The following NRDC variants were observed in gnomAD, a reference collection of about 807,000 sequenced individuals.
NRDC encodes nardilysin.
Under a neutral mutation model 147.1 loss-of-function variants are expected in NRDC, and 54 were observed. That is an observed-to-expected ratio of 0.37 (90% CI 0.29 to 0.46). The LOEUF is 0.46. NRDC is among the 20% of genes least tolerant of loss of function. NRDC has a pLI of 1.00. For missense variants in NRDC, 1,082 were observed against 1,370.6 expected, an observed-to-expected ratio of 0.79 and a Z score of 3.33; for synonymous variants, 440 against 482.1, an observed-to-expected ratio of 0.91 and a Z score of 1.14.
intron 16 of NRDC, among the ~76,000 whole-genome samples, chr1:51,809,722 C>A (rs970730699): frequency 1.3e-5 from 2 of 151,982 alleles, no homozygotes; most frequent in African/African-American, 4.8e-5. Context: ...CATGGTGAAA[C>A]CCCAGACAGA....
intron 28 of NRDC, 28 bp downstream of exon 28, chr1:51,790,872 G>GGCCAAAA (rs767984104): frequency 6.3e-7 from 1 of 1,584,438 alleles, no homozygotes; most frequent in East Asian, 2.2e-5. Context: ...GTGGGCCAAA[G>GGCCAAAA]GCCAAAAGAC....
chr1:51,821,047 T>C (rs533975824), intron 8 of NRDC, among the ~76,000 whole-genome samples: 7 of 152,234 alleles, frequency 4.6e-5, no homozygotes, highest in Admixed American at 3.9e-4. Context: ...TCAGGCAGTA[T>C]GGAAAGTCAG....
At chr1:51,816,249 A>G in intron 11 of NRDC, 63 bp downstream of exon 11, 1 of 1,052,910 alleles carries the variant, frequency 9.5e-7, no homozygotes, top group South Asian at 1.6e-5. Context: ...ATTATATAAT[A>G]CTTATTGTCT....
chr1:51,844,089 CCTAA>C (rs1444347509), intron 1 of NRDC, among the ~76,000 whole-genome samples: 3 of 152,112 alleles, frequency 2.0e-5, no homozygotes, highest in Non-Finnish European at 4.4e-5. Flanking sequence ...CTAATCTCCT[CCTAA>C]CTCTCTGTTT....
chr1:51,796,079 C>T (rs1412848191), intron 22 of NRDC, among the ~76,000 whole-genome samples: 1 of 152,120 alleles, frequency 6.6e-6, no homozygotes, highest in African/African-American at 2.4e-5. Flanking sequence ...TGGTGTCTCA[C>T]TATGTTGCCC....
chr1:51,873,888 G>T lies in NRDC; in HGVS notation c.341+4387C>A, dbSNP rs116044172. On this transcript the variant is annotated intron_variant, in intron 1 of 30. Coordinates refer to ENST00000352171, the MANE Select transcript of NRDC (RefSeq NM_001101662.2). The stretch of plus-strand genomic sequence containing the variant: ...TTAAATTAGAAGGACTTGCCCTTCA[G>T]AAGTTTATATGCCTTTTCGACAGGG... Among the ~76,000 whole-genome samples the T allele has an allele frequency of 7.7e-3, 1,173 of 151,874 alleles. 15 individuals are homozygous for T. Among genetic ancestry groups the T allele is most frequent in the African/African-American group, 0.027 (1,130 of 41,434 alleles).
In NRDC at chr1:51,810,370, T is replaced by G. The variant is rs762722640; in HGVS notation, c.1814A>C (p.Gln605Pro). 2 of 1,612,690 alleles carry G rather than the reference T, an allele frequency of 1.2e-6. No homozygotes were observed. The highest frequency in any genetic ancestry group is 1.7e-6 in the Non-Finnish European group (2 of 1,179,198). ...AGACAGTAAAACAAGATTTGCTTTTTGAGGAACTAGCTGATTCAAGGCTTC... is the reference window on the plus strand; with the variant it reads ...AGACAGTAAAACAAGATTTGCTTTTGGAGGAACTAGCTGATTCAAGGCTTC... Reference protein sequence around the residue: ...IGEALNQLVPQKANLVLLSGA... With the variant: ...IGEALNQLVPPKANLVLLSGA... The change falls in exon 16 of 31, where the codon CAA (glutamine) becomes CCA (proline). Residue 605 changes from glutamine to proline, a missense_variant. Gln to Pro is a moderately conservative substitution (Grantham distance 76, BLOSUM62 -1). Transcript: ENST00000352171.
chr1:51,847,471 G>A (rs796205296), intron 1 of NRDC, among the ~76,000 whole-genome samples: 15 of 152,354 alleles, frequency 9.8e-5, no homozygotes, highest in African/African-American at 3.1e-4. Context: ...AGGAGACCAC[G>A]GCGGGGTGGG....
At chr1:51,809,993 T>C (rs574115627) in intron 16 of NRDC, among the ~76,000 whole-genome samples, 31 of 151,870 alleles carry the variant, frequency 2.0e-4, no homozygotes, top group Admixed American at 1.2e-3. Context: ...TTTAGTAAGA[T>C]CTCCAAGTGA....
chr1:51,845,203 G>C (rs761443295), intron 1 of NRDC, among the ~76,000 whole-genome samples: 1 of 152,128 alleles, frequency 6.6e-6, no homozygotes, highest in South Asian at 2.1e-4. Context: ...TCTCAGTCCA[G>C]GGCCTTCGTG....
chr1:51,806,729 GAA>G (rs1679481647), intron 18 of NRDC, 63 bp downstream of exon 18: 3 of 1,497,290 alleles, frequency 2.0e-6, no homozygotes, highest in Non-Finnish European at 2.7e-6. Flanking sequence ...AATCACATGT[GAA>G]ACAGAGCATC....
At chr1:51,805,290 GC>G (rs1413544236) in intron 19 of NRDC, among the ~76,000 whole-genome samples, 3 of 152,146 alleles carry the variant, frequency 2.0e-5, no homozygotes, top group African/African-American at 7.2e-5. Context: ...TACACTATCA[GC>G]ATGTTTTACC....
intron 17 of NRDC, among the ~76,000 whole-genome samples, chr1:51,808,745 T>C (rs536919084): frequency 6.6e-6 from 1 of 152,318 alleles, no homozygotes; most frequent in South Asian, 2.1e-4. Context: ...CTTTCAATGA[T>C]TTTTTTCTGC....
chr1:51,846,388 A>G (rs1307735280), intron 1 of NRDC, among the ~76,000 whole-genome samples: 2 of 152,344 alleles, frequency 1.3e-5, no homozygotes, highest in South Asian at 2.1e-4. Flanking sequence ...TGCAGGAATT[A>G]CAGACATGAG....
At chr1:51,818,213 ATATATTTAT>A (rs1200259479) in intron 9 of NRDC, 78 bp from the exon 10 acceptor site, 1 of 917,722 alleles carries the variant, frequency 1.1e-6, no homozygotes, top group Non-Finnish European at 1.6e-6. Context: ...TTAAAATTCA[ATATATTTAT>A]CCTCCAATAA....
At chr1:51,874,890 A>G (rs1195422532) in intron 1 of NRDC, among the ~76,000 whole-genome samples, 2 of 152,252 alleles carry the variant, frequency 1.3e-5, no homozygotes, top group African/African-American at 2.4e-5. Flanking sequence ...ATAAATGCAG[A>G]CTGGTAAATC....
At chr1:51,815,117 T>C (rs1174613385) in intron 11 of NRDC, among the ~76,000 whole-genome samples, 1 of 152,122 alleles carries the variant, frequency 6.6e-6, no homozygotes, top group Non-Finnish European at 1.5e-5. Flanking sequence ...ACCATTCCTT[T>C]TGAAGAGAAC....
At chr1:51,812,961 CAAAAAAA>C (rs5774107) in intron 14 of NRDC, among the ~76,000 whole-genome samples, 1 of 71,816 alleles carries the variant, frequency 1.4e-5, no homozygotes, top group African/African-American at 6.2e-5. Flanking sequence ...GACTCTGTCT[CAAAAAAA>C]AAAAAAAAAA....
chr1:51,814,139 C>G (rs750383390), intron 13 of NRDC, 50 bp from the exon 14 acceptor site: 1 of 1,214,744 alleles, frequency 8.2e-7, no homozygotes, highest in Admixed American at 1.7e-5. Flanking sequence ...TTTCTGCCTA[C>G]TTGAGGGAGA....
Sources: gnomAD v4.1 joint callset for allele counts (sites outside exome capture counted in the v4.1 genomes callset) on GRCh38, gnomAD v4.1.1 for gene constraint, MANE v1.5 for transcripts, NCBI Gene and HGNC (gene_info 2026-07-23, HGNC 2026-07-21) for gene names.